The following GSE1 variants were observed in gnomAD, a reference collection of about 807,000 sequenced individuals.
The protein encoded by GSE1 is Gse1 coiled-coil protein, also known as genetic suppressor element 1.
In GSE1, 32 loss-of-function variants were observed where a neutral mutation model predicts 112.6. The observed-to-expected ratio is 0.28, with a 90% CI of 0.21 to 0.38. GSE1 has a LOEUF of 0.38. Ranked by LOEUF, GSE1 falls within the 10% of genes least tolerant of loss-of-function variation. The pLI is 1.00. For synonymous variants in GSE1, 1,115 were observed against 735.6 expected, an observed-to-expected ratio of 1.52 and a Z score of -8.35; for missense variants, 2,348 against 1,699.2, an observed-to-expected ratio of 1.38 and a Z score of -6.71.
intron 1 of GSE1, among the ~76,000 whole-genome samples, chr16:85,584,021 T>C (rs966975027): frequency 1.3e-5 from 2 of 152,188 alleles, no homozygotes; most frequent in Admixed American, 1.3e-4. Context: ...TGGCCCTAAT[T>C]ATGGAGCTGG....
intron 13 of GSE1, among the ~76,000 whole-genome samples, chr16:85,667,379 G>A (rs1295381557): frequency 6.6e-6 from 1 of 152,262 alleles, no homozygotes; most frequent in Non-Finnish European, 1.5e-5. Flanking sequence ...GAGGCCAGGT[G>A]TGCTCCTGAG....
intron 1 of GSE1, among the ~76,000 whole-genome samples, chr16:85,178,838 G>A (rs1349802799): frequency 2.7e-5 from 4 of 148,388 alleles, no homozygotes; most frequent in Non-Finnish European, 6.0e-5. Flanking sequence ...GCAGGGGCTC[G>A]AGGTGGGACT....
intron 2 of GSE1, among the ~76,000 whole-genome samples, chr16:85,444,118 G>A (rs1055776237): frequency 6.0e-5 from 9 of 151,220 alleles, no homozygotes; most frequent in Admixed American, 2.0e-4. Flanking sequence ...CGGAGTAGAT[G>A]GGACTACAGG....
chr16:85,175,003 G>A (rs1011446654), intron 1 of GSE1, among the ~76,000 whole-genome samples: 8 of 152,214 alleles, frequency 5.3e-5, no homozygotes, highest in Non-Finnish European at 7.3e-5. Context: ...AGCTGGGGAC[G>A]TGGCATGTCC....
At chr16:85,493,812 C>T (rs2051086291) in intron 2 of GSE1, among the ~76,000 whole-genome samples, 1 of 146,832 alleles carries the variant, frequency 6.8e-6, no homozygotes, top group South Asian at 2.1e-4. Flanking sequence ...AAAAAAAAGC[C>T]AGCTGTGGTG....
rs2046042458 is a variant in GSE1, at chr16:85,318,997, AC to A, written c.2284-38464del. 5.9e-5 allele frequency among the ~76,000 whole-genome samples: 9 copies of A among 152,304 alleles called. No homozygotes were observed. In the South Asian group the frequency reaches 1.9e-3, roughly 32 times the overall value. ...ACCCAGGTGCTAAGAATGGCGCATCACCTGGTGTCTGGTGTCCTTTGGAAAG... is the reference window on the plus strand; with the variant it reads ...ACCCAGGTGCTAAGAATGGCGCATCACTGGTGTCTGGTGTCCTTTGGAAAG... On this transcript the variant is annotated intron_variant, in intron 1 of 2. Coordinates refer to the GSE1 transcript ENST00000637419.
At chr16:85,521,063 G>C (rs561173189) in intron 2 of GSE1, among the ~76,000 whole-genome samples, 1 of 152,102 alleles carries the variant, frequency 6.6e-6, no homozygotes, top group Non-Finnish European at 1.5e-5. Context: ...TGGGTTCTTC[G>C]TGAAGATCTC....
At chr16:85,486,243 A>G (rs1206933072) in intron 2 of GSE1, among the ~76,000 whole-genome samples, 1 of 151,880 alleles carries the variant, frequency 6.6e-6, no homozygotes, top group Non-Finnish European at 1.5e-5. Flanking sequence ...GCACACTCAC[A>G]CACTCATTCA....
chr16:85,629,592 C>T (rs1320759299), intron 1 of GSE1, among the ~76,000 whole-genome samples: 1 of 152,216 alleles, frequency 6.6e-6, no homozygotes, highest in Non-Finnish European at 1.5e-5. Context: ...CTGCACTGGA[C>T]CTGGGCTCCA....
chr16:85,296,288 G>A (rs555537365), intron 1 of GSE1, among the ~76,000 whole-genome samples: 1 of 152,160 alleles, frequency 6.6e-6, no homozygotes, highest in Non-Finnish European at 1.5e-5. Context: ...CAGGCACAAA[G>A]CGGGGTCAGG....
At chr16:85,427,693 G>A (rs375946105) in intron 2 of GSE1, among the ~76,000 whole-genome samples, 7 of 150,824 alleles carry the variant, frequency 4.6e-5, no homozygotes, top group Middle Eastern at 3.4e-3. Flanking sequence ...TTAGCTGGGC[G>A]TGGTGGCATG....
At chr16:85,295,876 A>G (rs890774364) in intron 1 of GSE1, among the ~76,000 whole-genome samples, 1 of 150,662 alleles carries the variant, frequency 6.6e-6, no homozygotes, top group African/African-American at 2.5e-5. Flanking sequence ...AAGTGCTGGG[A>G]CTACAGGTGT....
Position 85,209,595 on chromosome 16 carries a change from A to T in GSE1, c.2283+37788A>T, listed in dbSNP as rs998299254. 3.3e-5 allele frequency among the ~76,000 whole-genome samples: 5 copies of T among 152,112 alleles called. No individual in the cohort carries two copies. In the East Asian group the frequency reaches 9.6e-4, roughly 29 times the overall value. ...CAGTTCCAGAAACGGCTTCTGCAGC[A>T]CCGGCCTCCCGCGGCCAGCCCAAGG... On this transcript the variant is annotated intron_variant, in intron 1 of 2. Coordinates refer to the GSE1 transcript ENST00000637419.
chr16:85,461,723 T>G (rs1465644584), intron 2 of GSE1, among the ~76,000 whole-genome samples: 1 of 152,144 alleles, frequency 6.6e-6, no homozygotes, highest in Non-Finnish European at 1.5e-5. Flanking sequence ...ATAATCCCCG[T>G]GCTGCGTGAA....
rs548378213 is a variant in GSE1, at chr16:85,173,992, C to T, written c.2283+2185C>T. On this transcript the variant is annotated intron_variant, in intron 1 of 2. Transcript: ENST00000637419. ...TCAACCAAGACTCAGAGAAGTCAGA[C>T]GACACAAAGCCAGTGGGTATCTGAG... Among the ~76,000 whole-genome samples the T allele has an allele frequency of 4.3e-4, 66 of 152,274 alleles. No homozygotes were observed. The South Asian group carries it at 0.012, about 27-fold the overall frequency.
intron 2 of GSE1, among the ~76,000 whole-genome samples, chr16:85,388,396 A>ATGGATGGATGGATACACAGGTGGG (rs2047752558): frequency 7.9e-6 from 1 of 125,958 alleles, no homozygotes; most frequent in East Asian, 2.5e-4. Flanking sequence ...GGATGGATGG[A>ATGGATGGATGGATACACAGGTGGG]TGGATGGATG....
intron 2 of GSE1, among the ~76,000 whole-genome samples, chr16:85,543,161 G>A (rs1173432644): frequency 6.7e-6 from 1 of 149,112 alleles, no homozygotes; most frequent in Admixed American, 6.8e-5. Context: ...ACAGTGAGCC[G>A]AGATTGTGCC....
At chr16:85,377,188 G>A (rs916999666) in intron 2 of GSE1, among the ~76,000 whole-genome samples, 3 of 152,334 alleles carry the variant, frequency 2.0e-5, no homozygotes, top group South Asian at 2.1e-4. Flanking sequence ...GCAGGAAGCC[G>A]TTTCTGTCCT....
intron 1 of GSE1, among the ~76,000 whole-genome samples, chr16:85,287,450 G>C (rs1420831076): frequency 6.6e-6 from 1 of 151,968 alleles, no homozygotes; most frequent in South Asian, 2.1e-4. Context: ...CCACACCCCC[G>C]CCTCTGGCTT....
Sources: gnomAD v4.1 joint callset for allele counts (sites outside exome capture counted in the v4.1 genomes callset) on GRCh38, gnomAD v4.1.1 for gene constraint, MANE v1.5 for transcripts, NCBI Gene and HGNC (gene_info 2026-07-23, HGNC 2026-07-21) for gene names.